The following APBB2 variants were observed in gnomAD, a reference collection of about 807,000 sequenced individuals.
APBB2 encodes the protein amyloid beta precursor protein binding family B member 2.
In APBB2, 38 loss-of-function variants were observed where a neutral mutation model predicts 82.5. The ratio of observed to expected loss-of-function variants is 0.46; its 90% confidence interval spans 0.36 to 0.60. The LOEUF (loss-of-function observed/expected upper bound fraction) is 0.60. APBB2 is among the 20% of genes least tolerant of loss of function. The pLI is 0.00. For synonymous variants in APBB2, 341 were observed against 368.2 expected (o/e 0.93, Z 0.85); for missense variants, 772 against 972.3 (o/e 0.79, Z 2.74).
At chr4:40,929,493 G>C (rs1253867828) in intron 10 of APBB2, among the ~76,000 whole-genome samples, 10 of 152,096 alleles carry the variant, frequency 6.6e-5, no homozygotes, top group African/African-American at 2.4e-4. Context: ...TAGAGATGGG[G>C]TTTCACCATG....
chr4:41,101,078 T>A (rs1044498894), intron 2 of APBB2, among the ~76,000 whole-genome samples: 2 of 152,216 alleles, frequency 1.3e-5, no homozygotes, highest in African/African-American at 4.8e-5. Context: ...CTAATTATAT[T>A]GTGACTTGGG....
At chr4:41,142,495 G>A (rs1424248983) in intron 2 of APBB2, among the ~76,000 whole-genome samples, 1 of 152,148 alleles carries the variant, frequency 6.6e-6, no homozygotes, top group Admixed American at 6.5e-5. Flanking sequence ...TATAAAATCT[G>A]GCCAAGCAGA....
intron 12 of APBB2, chr4:40,857,118 C>A (rs549008286): frequency 7.5e-5 from 74 of 985,464 alleles, no homozygotes; most frequent in African/African-American, 1.6e-4. Context: ...GCGGTGCCGT[C>A]GCTCAAGCAG....
At chr4:41,038,333 A>C (rs1579455126) in intron 4 of APBB2, among the ~76,000 whole-genome samples, 1 of 152,356 alleles carries the variant, frequency 6.6e-6, no homozygotes, top group East Asian at 1.9e-4. Flanking sequence ...TTAAATAAAA[A>C]TCAGACAAAC....
intron 6 of APBB2, among the ~76,000 whole-genome samples, chr4:41,000,105 G>GTGTGTGTGTGTGTGTGTATA (rs10694468): frequency 7.4e-6 from 1 of 135,156 alleles, no homozygotes; most frequent in Non-Finnish European, 1.6e-5. Flanking sequence ...GTGTGTGTGT[G>GTGTGTGTGTGTGTGTGTATA]TATAAATTAG....
rs145744324 is a variant in APBB2, at chr4:41,182,155, G to C, written c.-417+32250C>G. On this transcript the variant is annotated intron_variant, in intron 1 of 17. Transcript: ENST00000508593. ...GCATCTCCAGGATAAACAAGGGAGA[G>C]ACAGTTGTAAAGTCAAGGGCTGTCT... 2.0e-4 allele frequency among the ~76,000 whole-genome samples: 30 copies of C among 152,242 alleles called. No individual in the cohort carries two copies. In the East Asian group the frequency reaches 5.8e-3, roughly 29 times the overall value.
chr4:40,825,038 A>G (rs899452501), intron 15 of APBB2, among the ~76,000 whole-genome samples: 1 of 152,222 alleles, frequency 6.6e-6, no homozygotes, highest in Non-Finnish European at 1.5e-5. Flanking sequence ...AGCGCACTTC[A>G]GTCCTTCATT....
chr4:41,071,588 G>C (rs4861087), intron 3 of APBB2, among the ~76,000 whole-genome samples: 22,125 of 152,088 alleles, frequency 0.15, 1,886 homozygotes, highest in Non-Finnish European at 0.19. Flanking sequence ...GGCTGGGGCA[G>C]GAGAATCGCT....
intron 12 of APBB2, among the ~76,000 whole-genome samples, chr4:40,831,353 G>C (rs1175736085): frequency 6.6e-6 from 1 of 151,630 alleles, no homozygotes; most frequent in Non-Finnish European, 1.5e-5. Flanking sequence ...AGTGAGCCGA[G>C]ACTGTGCCAC....
rs1752211933 is a variant in APBB2 at position 40,832,059 on chromosome 4, C to A, written c.1530-1482G>T. 6.7e-6 allele frequency among the ~76,000 whole-genome samples: 1 copy of A among 149,808 alleles called. No individual in the cohort carries two copies. Among genetic ancestry groups the A allele is most frequent in the South Asian group, 2.1e-4 (1 of 4,686 alleles). On this transcript the variant is annotated intron_variant, in intron 12 of 17. Coordinates refer to ENST00000508593, the MANE Select transcript of APBB2 (RefSeq NM_004307.2). The surrounding 1 kb of genome is among the most constrained non-coding windows in gnomAD (Gnocchi z 4.8). ...ACACACACACACACACACATATACA[C>A]CAAGCTTTACCCATCTAGGAATGGA...
In APBB2 at chr4:40,827,205, C is replaced by A. The variant is rs746494588; in HGVS notation, c.1659G>T (p.Arg553=). ...HEICSKIMAE[R]KNAKALACSS... ...TGCAGGCCAGCGCTTTGGCATTCTT[C>A]CGTTCAGCCATAATCTAAGGGGGAA... is the stretch of plus-strand genomic sequence containing the variant. The change falls in exon 14 of 18, where the codon CGG becomes CGT. Residue 553 remains arginine, a synonymous_variant. Transcript: ENST00000508593. 3.1e-6 allele frequency: 5 copies of A among 1,614,074 alleles called. No homozygotes were observed. In the African/African-American group the frequency reaches 6.7e-5, roughly 22 times the overall value.
intron 12 of APBB2, among the ~76,000 whole-genome samples, chr4:40,849,812 C>T (rs944822071): frequency 6.6e-6 from 1 of 150,696 alleles, no homozygotes; most frequent in Non-Finnish European, 1.5e-5. Flanking sequence ...ACTGCAACCT[C>T]TGCCTCCCAG....
intron 10 of APBB2, among the ~76,000 whole-genome samples, chr4:40,902,217 TAA>T (rs67609821): frequency 0.035 from 5,320 of 152,264 alleles, 205 homozygotes; most frequent in African/African-American, 0.098. Context: ...TACTGTACTT[TAA>T]AAGAGTTCCA....
At chr4:41,106,100 T>C (rs1259824992) in intron 2 of APBB2, among the ~76,000 whole-genome samples, 2 of 152,220 alleles carry the variant, frequency 1.3e-5, no homozygotes, top group Admixed American at 1.3e-4. Context: ...TAAATTGCTT[T>C]AAGAATTAGC....
At chr4:41,206,811 C>T (rs1483268206) in intron 1 of APBB2, among the ~76,000 whole-genome samples, 1 of 152,110 alleles carries the variant, frequency 6.6e-6, no homozygotes, top group Admixed American at 6.5e-5. Context: ...AATTGTGATA[C>T]TCAATGTGGC....
intron 7 of APBB2, among the ~76,000 whole-genome samples, chr4:40,942,037 T>C (rs1283043494): frequency 1.3e-5 from 2 of 152,212 alleles, no homozygotes; most frequent in African/African-American, 4.8e-5. Context: ...TGACAGGGTC[T>C]GCACATCAGC....
intron 1 of APBB2, among the ~76,000 whole-genome samples, chr4:41,211,032 A>T (rs1779193450): frequency 6.6e-6 from 1 of 152,100 alleles, no homozygotes; most frequent in Non-Finnish European, 1.5e-5. Context: ...AGACTGGTGG[A>T]CCTCCTGAGG....
At chr4:41,000,505 G>A (rs1296167171) in intron 6 of APBB2, among the ~76,000 whole-genome samples, 1 of 152,158 alleles carries the variant, frequency 6.6e-6, no homozygotes, top group Non-Finnish European at 1.5e-5. Context: ...CACAGGTTAA[G>A]CAAGTGATGG....
chr4:40,951,256 G>A (rs1181069880), intron 6 of APBB2, among the ~76,000 whole-genome samples: 1 of 820 alleles, frequency 1.2e-3, no homozygotes, highest in Non-Finnish European at 0.015. Flanking sequence ...TATGTTTACA[G>A]TATGGGTGTT....
Sources: allele counts gnomAD v4.1 joint callset (sites outside exome capture counted in the v4.1 genomes callset), GRCh38; gene constraint gnomAD v4.1.1; non-coding constraint Gnocchi (gnomAD v3.1); transcripts MANE v1.5; gene names NCBI Gene and HGNC (gene_info 2026-07-23, HGNC 2026-07-21).